CBLN2: variants seen among roughly 807,000 people sequenced by gnomAD.
CBLN2 encodes cerebellin-2.
A neutral mutation model predicts 15.0 loss-of-function variants in CBLN2; 7 were observed. That is an observed-to-expected ratio of 0.47 (90% CI 0.27 to 0.88). CBLN2 has a LOEUF of 0.88. Among genes scored for constraint, CBLN2 ranks in the 40% least tolerant of loss-of-function variants. The pLI, the probability that CBLN2 is intolerant of heterozygous loss-of-function variation, is 0.14. For missense variants in CBLN2, 242 were observed against 304.5 expected (o/e 0.79, Z 1.53); for synonymous variants, 149 against 135.2 (o/e 1.10, Z -0.71).
chr18:72,559,862 T>C (rs1353185117), intron 1 of CBLN2, among the ~76,000 whole-genome samples: 1 of 152,212 alleles, frequency 6.6e-6, no homozygotes, highest in African/African-American at 2.4e-5. Context: ...CAATGAAAAG[T>C]AGCAAAGAAA....
chr18:72,616,286 A>T (rs2069661561), intron 1 of CBLN2, among the ~76,000 whole-genome samples: 3 of 152,194 alleles, frequency 2.0e-5, no homozygotes, highest in African/African-American at 7.2e-5. Context: ...CTATATGTAG[A>T]GATGATATTC....
chr18:72,599,619 G>A (rs562133697), intron 1 of CBLN2, among the ~76,000 whole-genome samples: 3 of 152,160 alleles, frequency 2.0e-5, no homozygotes, highest in Admixed American at 1.3e-4. Context: ...GGTTAACATG[G>A]GACATTCATA....
chr18:72,573,900 C>T (rs570402924), intron 1 of CBLN2, among the ~76,000 whole-genome samples: 104 of 152,290 alleles, frequency 6.8e-4, no homozygotes, highest in African/African-American at 2.4e-3. Flanking sequence ...TCATTCCAAT[C>T]AGCAATAAAT....
intron 1 of CBLN2, among the ~76,000 whole-genome samples, chr18:72,635,049 T>A (rs562923918): frequency 6.6e-6 from 1 of 152,156 alleles, no homozygotes; most frequent in Admixed American, 6.6e-5. Context: ...GTCTGAGCAA[T>A]GCCTTTACTC....
intron 1 of CBLN2, among the ~76,000 whole-genome samples, chr18:72,573,607 C>A (rs1399843967): frequency 3.3e-5 from 5 of 152,184 alleles, no homozygotes; most frequent in Admixed American, 3.3e-4. Flanking sequence ...TTTCCTATGT[C>A]TATTCCTGGC....
chr18:72,549,299 A>G (rs1322466174), upstream of CBLN2, among the ~76,000 whole-genome samples: 6 of 152,240 alleles, frequency 3.9e-5, no homozygotes. Context: ...GGCGTGAGCC[A>G]ACGTGGCCAG....
At chr18:72,627,718 T>C (rs984286986) in intron 1 of CBLN2, among the ~76,000 whole-genome samples, 2 of 152,252 alleles carry the variant, frequency 1.3e-5, no homozygotes, top group African/African-American at 2.4e-5. Flanking sequence ...TGATTGCACA[T>C]ATTAGTAATC....
At chr18:72,608,094 A>G (rs2069595893) in intron 1 of CBLN2, among the ~76,000 whole-genome samples, 1 of 152,132 alleles carries the variant, frequency 6.6e-6, no homozygotes, top group African/African-American at 2.4e-5. Flanking sequence ...TGACTGCAAA[A>G]ATATCTTAGA....
At chr18:72,563,140 G>A (rs942018587) in intron 1 of CBLN2, among the ~76,000 whole-genome samples, 1 of 152,166 alleles carries the variant, frequency 6.6e-6, no homozygotes, top group African/African-American at 2.4e-5. Context: ...TAATGAGCAT[G>A]TGCTATGAAT....
At chr18:72,619,449 A>G (rs1264844196) in intron 1 of CBLN2, among the ~76,000 whole-genome samples, 2 of 152,196 alleles carry the variant, frequency 1.3e-5, no homozygotes, top group Non-Finnish European at 2.9e-5. Flanking sequence ...GTTCCGTGGA[A>G]AGTACAAAGC....
chr18:72,635,981 T>A (rs2069809712), intron 1 of CBLN2, among the ~76,000 whole-genome samples: 1 of 152,146 alleles, frequency 6.6e-6, no homozygotes, highest in South Asian at 2.1e-4. Flanking sequence ...GATACATCAA[T>A]TTACCCTGAA....
intron 1 of CBLN2, among the ~76,000 whole-genome samples, chr18:72,551,047 T>C (rs2069188984): frequency 6.6e-6 from 1 of 152,072 alleles, no homozygotes; most frequent in African/African-American, 2.4e-5. Context: ...AACTGTAATT[T>C]CATTGCAAAC....
intron 1 of CBLN2, among the ~76,000 whole-genome samples, chr18:72,584,327 C>T (rs1403805769): frequency 2.0e-5 from 3 of 150,166 alleles, no homozygotes; most frequent in East Asian, 1.9e-4. Context: ...TTTTTTTTTC[C>T]CCTGAGACGA....
At chr18:72,582,710 C>T (rs892150192) in intron 1 of CBLN2, among the ~76,000 whole-genome samples, 1 of 152,090 alleles carries the variant, frequency 6.6e-6, no homozygotes, top group African/African-American at 2.4e-5. Flanking sequence ...GGCCCACATA[C>T]CCAAGTCTAA....
At chr18:72,567,178 C>A (rs1435332330) in intron 1 of CBLN2, among the ~76,000 whole-genome samples, 1 of 152,136 alleles carries the variant, frequency 6.6e-6, no homozygotes, top group African/African-American at 2.4e-5. Flanking sequence ...ATTTGATCAT[C>A]GCACAGTGTG....
chr18:72,572,941 T>C (rs981259731), intron 1 of CBLN2, among the ~76,000 whole-genome samples: 2 of 152,138 alleles, frequency 1.3e-5, no homozygotes, highest in African/African-American at 4.8e-5. Flanking sequence ...AATTATACAA[T>C]CTCTCATATA....
At chr18:72,584,573 A>T (rs1054266755) in intron 1 of CBLN2, among the ~76,000 whole-genome samples, 2 of 152,150 alleles carry the variant, frequency 1.3e-5, no homozygotes, top group African/African-American at 4.8e-5. Flanking sequence ...AAGTGCTGGG[A>T]TTACATGCAT....
intron 1 of CBLN2, among the ~76,000 whole-genome samples, chr18:72,635,675 A>C (rs2144984541): frequency 6.6e-6 from 1 of 152,306 alleles, no homozygotes; most frequent in African/African-American, 2.4e-5. Context: ...GTTTGAAAAC[A>C]ACAAAATTAT....
chr18:72,553,786 C>T (rs1012954665), intron 1 of CBLN2, among the ~76,000 whole-genome samples: 3 of 152,042 alleles, frequency 2.0e-5, no homozygotes, highest in Non-Finnish European at 2.9e-5. Flanking sequence ...ATTCATGCCT[C>T]GAAAGCTGAA....
Sources: gnomAD v4.1 joint callset for allele counts (sites outside exome capture counted in the v4.1 genomes callset) on GRCh38, gnomAD v4.1.1 for gene constraint, MANE v1.5 for transcripts, NCBI Gene and HGNC (gene_info 2026-07-23, HGNC 2026-07-21) for gene names.